CFAP61: variants seen among roughly 807,000 people sequenced by gnomAD.
CFAP61 encodes cilia- and flagella-associated protein 61.
Under a neutral mutation model 135.6 loss-of-function variants are expected in CFAP61, and 107 were observed. That is an observed-to-expected ratio of 0.79 (90% CI 0.67 to 0.93). The LOEUF (loss-of-function observed/expected upper bound fraction) is 0.93. Ranked by LOEUF, CFAP61 falls within the 40% of genes least tolerant of loss-of-function variation. The pLI is 0.00. For synonymous variants in CFAP61, 575 were observed against 578.5 expected (o/e 0.99, Z 0.09); for missense variants, 1,507 against 1,556.2 (o/e 0.97, Z 0.53).
chr20:20,062,133 G>A (rs2044850786), intron 2 of CFAP61, among the ~76,000 whole-genome samples: 1 of 152,070 alleles, frequency 6.6e-6, no homozygotes, highest in African/African-American at 2.4e-5. Context: ...GAATTGAGGA[G>A]CCCAGCCTCC....
intron 8 of CFAP61, among the ~76,000 whole-genome samples, chr20:20,108,001 T>C (rs754178974): frequency 2.0e-5 from 3 of 152,184 alleles, no homozygotes; most frequent in Non-Finnish European, 4.4e-5. Flanking sequence ...ATCACAAAAG[T>C]AGTTATATAA....
At chr20:20,146,385 G>A (rs1426456525) in intron 9 of CFAP61, among the ~76,000 whole-genome samples, 1 of 152,274 alleles carries the variant, frequency 6.6e-6, no homozygotes, top group Non-Finnish European at 1.5e-5. Flanking sequence ...GTAATAGATG[G>A]AAGACATAAA....
chr20:20,298,365 A>G lies in CFAP61; in HGVS notation c.3401A>G (p.Asn1134Ser). 1 of 1,613,952 alleles carries G rather than the reference A, an allele frequency of 6.2e-7. No homozygotes were observed. The highest frequency in any genetic ancestry group is 8.5e-7 in the Non-Finnish European group (1 of 1,179,926). The change falls in exon 25 of 27, where the codon AAC (asparagine) becomes AGC (serine). Residue 1134 changes from asparagine to serine, a missense_variant. By Grantham distance (46) the Asn-to-Ser change is conservative. Transcript: ENST00000245957. ...LNNLCARYDE[N>S]LITDLYSYFT... ...AACCTGTGTGCTCGGTACGATGAAA[A>G]CCTGATCACAGATCTCTATAGGTGA...
At chr20:20,247,673 G>T (rs756342436) in intron 19 of CFAP61, among the ~76,000 whole-genome samples, 1 of 152,172 alleles carries the variant, frequency 6.6e-6, no homozygotes, top group Non-Finnish European at 1.5e-5. Flanking sequence ...GTGCTGTGAT[G>T]CTCCAGCCTA....
chr20:20,202,297 G>A (rs1305915963), intron 17 of CFAP61, among the ~76,000 whole-genome samples: 3 of 152,132 alleles, frequency 2.0e-5, no homozygotes, highest in African/African-American at 4.8e-5. Flanking sequence ...CCTGCTGCTC[G>A]TGCTATTGTG....
intron 14 of CFAP61, among the ~76,000 whole-genome samples, chr20:20,188,799 A>G (rs961520527): frequency 6.6e-5 from 10 of 152,222 alleles, no homozygotes. Context: ...ATTTGCATAC[A>G]CCATGTAACC....
At chr20:20,157,029 T>G (rs930420016) in intron 9 of CFAP61, among the ~76,000 whole-genome samples, 7 of 152,204 alleles carry the variant, frequency 4.6e-5, no homozygotes, top group African/African-American at 1.7e-4. Context: ...AGAGAAACTT[T>G]GAAAAATAAC....
rs776986178 is a variant in CFAP61 at position 20,290,297 on chromosome 20, T to C, written c.3125-3T>C. On this transcript the variant is annotated splice_region_variant and splice_polypyrimidine_tract_variant and intron_variant, in intron 23 of 26. Transcript: ENST00000245957. The stretch of plus-strand genomic sequence containing the variant: ...TAAATGGAAAACTTGCCATCTCTTC[T>C]AGGGGGCATTCTTCCTGGGTCTTAC... 1.3e-6 allele frequency: 2 copies of C among 1,597,436 alleles called. No homozygotes were observed. Among genetic ancestry groups the C allele is most frequent in the Non-Finnish European group, 1.7e-6 (2 of 1,164,744 alleles).
intron 17 of CFAP61, among the ~76,000 whole-genome samples, chr20:20,210,046 T>C (rs1262972586): frequency 1.3e-5 from 2 of 152,190 alleles, no homozygotes; most frequent in Admixed American, 1.3e-4. Context: ...CCGCTTTCCT[T>C]GCTTTGGGCT....
At chr20:20,169,536 TTATAA>T in intron 13 of CFAP61, 76 bp downstream of exon 13, 1 of 1,227,252 alleles carries the variant, frequency 8.1e-7, no homozygotes, top group Non-Finnish European at 1.1e-6. Context: ...CTCCCTGCTA[TTATAA>T]TTTAATAATT....
chr20:20,055,800 C>T, intron 1 of CFAP61: 1 of 638,752 alleles, frequency 1.6e-6, no homozygotes, highest in East Asian at 2.9e-5. Flanking sequence ...ATTAATTTCT[C>T]CTTCATTGTT....
At chr20:20,221,626 A>T (rs1324204660) in intron 17 of CFAP61, 3 of 152,166 alleles carry the variant, frequency 2.0e-5, no homozygotes, top group Non-Finnish European at 4.4e-5. Context: ...GTGCCCTTCA[A>T]TTGCATTATT....
At chr20:20,144,512 T>A (rs2051697516) in intron 9 of CFAP61, among the ~76,000 whole-genome samples, 1 of 152,124 alleles carries the variant, frequency 6.6e-6, no homozygotes, top group African/African-American at 2.4e-5. Context: ...ATGAGATGTT[T>A]TTTCAAGATA....
At chr20:20,233,317 C>T (rs2049304978) in intron 18 of CFAP61, among the ~76,000 whole-genome samples, 1 of 152,222 alleles carries the variant, frequency 6.6e-6, no homozygotes, top group Admixed American at 6.5e-5. Flanking sequence ...AGCTCAACCG[C>T]AATGGACAGG....
intron 26 of CFAP61, among the ~76,000 whole-genome samples, chr20:20,342,611 G>T (rs866984742): frequency 6.6e-6 from 1 of 152,154 alleles, no homozygotes; most frequent in Non-Finnish European, 1.5e-5. Context: ...CCGGGGCCTG[G>T]GTTAGCTTCT....
At chr20:20,187,513 G>A (rs1247529311) in intron 13 of CFAP61, among the ~76,000 whole-genome samples, 2 of 152,192 alleles carry the variant, frequency 1.3e-5, no homozygotes, top group Non-Finnish European at 2.9e-5. Context: ...AACTCTGAGT[G>A]TGAGGCTCTA....
chr20:20,269,146 T>TACACAC (rs1192884602), intron 21 of CFAP61, among the ~76,000 whole-genome samples: 14 of 85,614 alleles, frequency 1.6e-4, no homozygotes, highest in Middle Eastern at 0.015. Context: ...TATATATATA[T>TACACAC]ACACACACAC....
intron 8 of CFAP61, among the ~76,000 whole-genome samples, chr20:20,101,764 T>G (rs1474611928): frequency 6.6e-6 from 1 of 152,104 alleles, no homozygotes; most frequent in African/African-American, 2.4e-5. Context: ...TAGCTGAGAT[T>G]ACATGTGTGT....
At chr20:20,200,072 C>A (rs2056532286) in intron 17 of CFAP61, among the ~76,000 whole-genome samples, 170 bp downstream of exon 17, 1 of 152,202 alleles carries the variant, frequency 6.6e-6, no homozygotes, top group South Asian at 2.1e-4. Context: ...AGCCCTTTCC[C>A]TCAAGTCGTT....
Sources: allele counts gnomAD v4.1 joint callset (sites outside exome capture counted in the v4.1 genomes callset), GRCh38; gene constraint gnomAD v4.1.1; transcripts MANE v1.5; gene names NCBI Gene and HGNC (gene_info 2026-07-23, HGNC 2026-07-21).